Variants in PRR5 observed in about 807,000 individuals in gnomAD.
PRR5 encodes the protein proline-rich protein 5.
Under a neutral mutation model 30.6 loss-of-function variants are expected in PRR5, and 25 were observed. The ratio of observed to expected loss-of-function variants is 0.82; its 90% CI spans 0.60 to 1.14. The LOEUF is 1.14. PRR5 is among the 50% of genes most tolerant of loss of function. PRR5 has a pLI of 0.00. For synonymous variants in PRR5, 286 were observed against 247.1 expected, an observed-to-expected ratio of 1.16 and a Z score of -1.48; for missense variants, 600 against 547.1, an observed-to-expected ratio of 1.10 and a Z score of -0.96.
upstream of PRR5, among the ~76,000 whole-genome samples, chr22:44,672,382 C>T (rs1258246858): frequency 6.6e-6 from 1 of 152,000 alleles, no homozygotes; most frequent in Non-Finnish European, 1.5e-5. Context: ...GTCAGGAGTT[C>T]GAGAGCAGGC....
chr22:44,705,268 T>C (rs945961309), intron 1 of PRR5, among the ~76,000 whole-genome samples: 1 of 152,096 alleles, frequency 6.6e-6, no homozygotes, highest in Non-Finnish European at 1.5e-5. Context: ...CACTCCAATA[T>C]GTACCTCCCC....
chr22:44,676,390 CAAAAA>C (rs59016907), upstream of PRR5, among the ~76,000 whole-genome samples: 8 of 37,066 alleles, frequency 2.2e-4, no homozygotes, highest in African/African-American at 5.0e-4. Flanking sequence ...GACCCTGTCT[CAAAAA>C]AAAAAAAAAA....
intron 5 of PRR5, 117 bp downstream of exon 5, chr22:44,731,938 C>A: frequency 9.1e-7 from 1 of 1,093,512 alleles, no homozygotes; most frequent in Non-Finnish European, 1.3e-6. Context: ...CTGCTCTGTG[C>A]TGCTCTCCTT....
At chr22:44,696,738 T>TATTTATTTATTC (rs1459959653) in intron 1 of PRR5, among the ~76,000 whole-genome samples, 4 of 151,752 alleles carry the variant, frequency 2.6e-5, no homozygotes, top group Non-Finnish European at 4.4e-5. Flanking sequence ...TTTATTTATT[T>TATTTATTTATTC]ATTTATTTAT....
intron 1 of PRR5, among the ~76,000 whole-genome samples, chr22:44,713,281 G>T (rs779525427): frequency 6.6e-6 from 1 of 152,216 alleles, no homozygotes; most frequent in African/African-American, 2.4e-5. Context: ...GCCAGGAAGG[G>T]GTACGGGGAG....
At chr22:44,676,390 C>CAAAAAAAAAAAAAAAA (rs59016907), upstream of PRR5, among the ~76,000 whole-genome samples, 10 of 37,058 alleles carry the variant, frequency 2.7e-4, no homozygotes, top group Admixed American at 5.5e-4. Context: ...GACCCTGTCT[C>CAAAAAAAAAAAAAAAA]AAAAAAAAAA....
intron 1 of PRR5, among the ~76,000 whole-genome samples, chr22:44,686,917 G>A (rs993270345): frequency 1.3e-5 from 2 of 152,154 alleles, no homozygotes; most frequent in Non-Finnish European, 1.5e-5. Context: ...CGGCAAATAC[G>A]ATATTTGATT....
chr22:44,702,450 C>G lies in PRR5; in HGVS notation c.-25C>G. The G allele has an allele frequency of 7.6e-7, 1 of 1,316,198 alleles. No individual in the cohort carries two copies. 81.5% of individuals were successfully genotyped at this position (1,316,198 alleles called of 1,614,324 possible). A position where few individuals can be genotyped will look rare whatever the true frequency, so the allele number is the denominator to read the frequency against. ...GGGCGCGGCGTGGGGCGCGCGTGGG[C>G]GCGGCGCAGGCGGCCCGGGTCACCA... On this transcript the variant is annotated 5_prime_UTR_variant, in exon 1 of 8. Transcript: ENST00000336985.
At chr22:44,735,811 C>A (rs1333171194) in intron 7 of PRR5, among the ~76,000 whole-genome samples, 1 of 152,238 alleles carries the variant, frequency 6.6e-6, no homozygotes, top group Non-Finnish European at 1.5e-5. Context: ...GGGACTATGC[C>A]CTCCTCATCC....
intron 1 of PRR5, among the ~76,000 whole-genome samples, chr22:44,678,231 T>C (rs1923941215): frequency 6.6e-6 from 1 of 151,762 alleles, no homozygotes; most frequent in Non-Finnish European, 1.5e-5. Flanking sequence ...CTGCTCACTC[T>C]CAGCCTTCTC....
chr22:44,723,615 G>A (rs1930266377), intron 2 of PRR5, among the ~76,000 whole-genome samples: 1 of 152,194 alleles, frequency 6.6e-6, no homozygotes, highest in African/African-American at 2.4e-5. Flanking sequence ...AGCTACTGGG[G>A]AGGCTGAGGC....
intron 1 of PRR5, among the ~76,000 whole-genome samples, chr22:44,705,630 TTTG>T (rs1399051114): frequency 6.6e-6 from 1 of 151,462 alleles, no homozygotes; most frequent in Non-Finnish European, 1.5e-5. Context: ...CAGCCTCTTT[TTTG>T]TTTTCTTTTG....
At chr22:44,678,224 C>T (rs904365289) in intron 1 of PRR5, among the ~76,000 whole-genome samples, 1 of 152,054 alleles carries the variant, frequency 6.6e-6, no homozygotes, top group Non-Finnish European at 1.5e-5. Flanking sequence ...TCTGTTCCTG[C>T]TCACTCTCAG....
upstream of PRR5, among the ~76,000 whole-genome samples, chr22:44,674,347 G>C (rs1264551519): frequency 6.6e-6 from 1 of 151,948 alleles, no homozygotes; most frequent in Admixed American, 6.6e-5. Context: ...TGGAAATGAG[G>C]TTTTGCAGCC....
chr22:44,674,445 G>A (rs746112253), upstream of PRR5, among the ~76,000 whole-genome samples: 10 of 152,216 alleles, frequency 6.6e-5, no homozygotes, highest in South Asian at 4.2e-4. Context: ...AGACCAGGCC[G>A]GGTACGGTGG....
intron 1 of PRR5, among the ~76,000 whole-genome samples, chr22:44,679,095 T>G (rs541034139): frequency 6.6e-6 from 1 of 152,220 alleles, no homozygotes; most frequent in African/African-American, 2.4e-5. Context: ...TGAGTGACCC[T>G]GAGTGACTCC....
At chr22:44,704,100 A>G (rs1926806501) in intron 1 of PRR5, among the ~76,000 whole-genome samples, 2 of 152,198 alleles carry the variant, frequency 1.3e-5, no homozygotes, top group African/African-American at 4.8e-5. Flanking sequence ...GGGCTGTTGT[A>G]GGGATGAAAT....
intron 4 of PRR5, among the ~76,000 whole-genome samples, chr22:44,728,869 C>G (rs1445519079): frequency 6.6e-6 from 1 of 152,184 alleles, no homozygotes; most frequent in Non-Finnish European, 1.5e-5. Context: ...GGACTTCAGC[C>G]CCTGGGCAGA....
intron 1 of PRR5, among the ~76,000 whole-genome samples, chr22:44,695,923 CTTT>C (rs79228617): frequency 2.7e-5 from 2 of 73,346 alleles, no homozygotes; most frequent in African/African-American, 5.6e-5. Flanking sequence ...ATTCTGACAA[CTTT>C]TTTTTTTTTT....
Sources: allele counts gnomAD v4.1 joint callset (sites outside exome capture counted in the v4.1 genomes callset), GRCh38; gene constraint gnomAD v4.1.1; transcripts MANE v1.5; gene names NCBI Gene and HGNC (gene_info 2026-07-23, HGNC 2026-07-21).